The following SYCP1 variants were observed in gnomAD, a reference collection of about 807,000 sequenced individuals.
SYCP1 encodes synaptonemal complex protein 1, also known as cancer/testis antigen 8.
A neutral mutation model predicts 153.1 loss-of-function variants in SYCP1; 64 were observed. The ratio of observed to expected loss-of-function variants is 0.42; its 90% confidence interval spans 0.34 to 0.51. The LOEUF is 0.51. Among genes scored for constraint, SYCP1 ranks in the 20% least tolerant of loss-of-function variants. The pLI is 0.06. For missense variants in SYCP1, 997 were observed against 1,049.0 expected (o/e 0.95, Z 0.68); for synonymous variants, 384 against 341.8 (o/e 1.12, Z -1.36).
At chr1:114,961,775 G>A (rs1454767850) in intron 27 of SYCP1, among the ~76,000 whole-genome samples, 1 of 152,002 alleles carries the variant, frequency 6.6e-6, no homozygotes, top group East Asian at 1.9e-4. Context: ...GTCTGTCTTG[G>A]AGAATGTTAC....
chr1:114,902,496 C>T (rs1437189875), intron 16 of SYCP1, among the ~76,000 whole-genome samples: 1 of 142,550 alleles, frequency 7.0e-6, no homozygotes, highest in African/African-American at 3.1e-5. Flanking sequence ...GTCCTGCTAG[C>T]AGGCTTTCTG....
chr1:114,857,866 A>C (rs1664119826), intron 5 of SYCP1, among the ~76,000 whole-genome samples: 1 of 152,106 alleles, frequency 6.6e-6, no homozygotes, highest in Non-Finnish European at 1.5e-5. Flanking sequence ...AGTTATAAAA[A>C]TATTTCTTAT....
chr1:114,982,310 T>C (rs2101952521), intron 29 of SYCP1, among the ~76,000 whole-genome samples: 1 of 152,106 alleles, frequency 6.6e-6, no homozygotes, highest in South Asian at 2.1e-4. Context: ...ATCTCAATTG[T>C]CTCCATCCCA....
At chr1:114,951,342 C>A (rs1360652429) in intron 27 of SYCP1, among the ~76,000 whole-genome samples, 1 of 151,690 alleles carries the variant, frequency 6.6e-6, no homozygotes, top group Non-Finnish European at 1.5e-5. Flanking sequence ...AGAAAGAATA[C>A]CTTTGAAAAA....
chr1:114,907,820 A>T (rs1039167721), intron 16 of SYCP1, among the ~76,000 whole-genome samples: 2 of 151,978 alleles, frequency 1.3e-5, no homozygotes, highest in Admixed American at 6.6e-5. Flanking sequence ...TGACCTCGTG[A>T]TCCACCCGCC....
At chr1:114,945,014 A>T (rs1490900573) in intron 25 of SYCP1, 32 bp downstream of exon 25, 1 of 1,403,636 alleles carries the variant, frequency 7.1e-7, no homozygotes, top group East Asian at 2.5e-5. Flanking sequence ...AATGAAAATT[A>T]TTAATTGGAG....
chr1:114,895,067 A>G (rs1229339086), intron 15 of SYCP1, among the ~76,000 whole-genome samples: 1 of 152,098 alleles, frequency 6.6e-6, no homozygotes, highest in African/African-American at 2.4e-5. Flanking sequence ...GCTCAGAGTT[A>G]GCTTGAGAAA....
chr1:114,860,486 T>C (rs975954686), intron 7 of SYCP1, among the ~76,000 whole-genome samples: 3 of 152,138 alleles, frequency 2.0e-5, no homozygotes, highest in Non-Finnish European at 4.4e-5. Flanking sequence ...TTTATTTGTT[T>C]ATTTATTTTA....
chr1:114,991,729 C>A (rs1462970470), intron 30 of SYCP1, among the ~76,000 whole-genome samples: 1 of 151,630 alleles, frequency 6.6e-6, no homozygotes, highest in Non-Finnish European at 1.5e-5. Context: ...AAGACTTACC[C>A]CCTAATATTA....
chr1:114,901,905 A>G (rs1267355445), intron 16 of SYCP1, among the ~76,000 whole-genome samples: 1 of 152,234 alleles, frequency 6.6e-6, no homozygotes, highest in Non-Finnish European at 1.5e-5. Context: ...AACTGCTGAC[A>G]GGGTGAAGAG....
intron 15 of SYCP1, among the ~76,000 whole-genome samples, chr1:114,888,605 C>T (rs1366489839): frequency 2.6e-5 from 4 of 151,850 alleles, no homozygotes; most frequent in African/African-American, 9.7e-5. Context: ...CTTAGGATAA[C>T]TTTAAATTAG....
At chr1:114,967,158 G>A (rs1017249350) in intron 27 of SYCP1, among the ~76,000 whole-genome samples, 4 of 152,160 alleles carry the variant, frequency 2.6e-5, no homozygotes, top group Non-Finnish European at 5.9e-5. Context: ...CTGTTGCTTT[G>A]GGGTGGAGAG....
intron 16 of SYCP1, among the ~76,000 whole-genome samples, chr1:114,896,371 C>T (rs978228045): frequency 3.3e-5 from 5 of 152,164 alleles, no homozygotes; most frequent in African/African-American, 9.7e-5. Flanking sequence ...TTTATTAATG[C>T]ATACTTATAC....
At chr1:114,864,302 G>A (rs1280051496) in intron 8 of SYCP1, among the ~76,000 whole-genome samples, 1 of 152,002 alleles carries the variant, frequency 6.6e-6, no homozygotes, top group African/African-American at 2.4e-5. Flanking sequence ...ATAAGGGAGT[G>A]GGCCATCTAT....
At position 114,926,324 on chromosome 1, in the gene SYCP1, A is replaced by T; in HGVS notation, c.1847A>T (p.Glu616Val). The T allele has an allele frequency of 6.5e-7, 1 of 1,538,162 alleles. No homozygotes were observed. Among genetic ancestry groups the T allele is most frequent in the Non-Finnish European group, 8.8e-7 (1 of 1,142,016 alleles). The change falls in exon 22 of 32, where the codon GAA becomes GTA. Residue 616 changes from glutamate to valine, a missense_variant. Coordinates refer to ENST00000369522, the MANE Select transcript of SYCP1 (RefSeq NM_003176.4). ...GTTGAAAATAAAAACAAGTATATTGAAGAACTTCAGCAGGAGGTATGTATT... is the reference window on the plus strand; with the variant it reads ...GTTGAAAATAAAAACAAGTATATTGTAGAACTTCAGCAGGAGGTATGTATT... ...KQVENKNKYI[E>V]ELQQENKALK...
chr1:114,959,080 A>G (rs1318854499), intron 27 of SYCP1, among the ~76,000 whole-genome samples: 2 of 152,010 alleles, frequency 1.3e-5, no homozygotes, highest in Admixed American at 1.3e-4. Flanking sequence ...GATGAAATTC[A>G]GTGTATCTAG....
At chr1:114,893,211 A>G (rs559456490) in intron 15 of SYCP1, among the ~76,000 whole-genome samples, 14 of 152,096 alleles carry the variant, frequency 9.2e-5, no homozygotes, top group African/African-American at 3.1e-4. Context: ...TTCGTCTTAC[A>G]TTTTCTACCT....
chr1:114,936,039 C>T (rs1669983127), intron 23 of SYCP1, among the ~76,000 whole-genome samples: 1 of 151,754 alleles, frequency 6.6e-6, no homozygotes, highest in African/African-American at 2.4e-5. Context: ...GGAATCCTCC[C>T]TAACTCATTT....
At chr1:114,915,946 A>G (rs886244508) in intron 20 of SYCP1, among the ~76,000 whole-genome samples, 3 of 152,100 alleles carry the variant, frequency 2.0e-5, no homozygotes, top group Non-Finnish European at 4.4e-5. Flanking sequence ...ATGGCTACTG[A>G]TTTTACAAAG....
Sources: allele counts gnomAD v4.1 joint callset (sites outside exome capture counted in the v4.1 genomes callset), GRCh38; gene constraint gnomAD v4.1.1; transcripts MANE v1.5; gene names NCBI Gene and HGNC (gene_info 2026-07-23, HGNC 2026-07-21).